The following CCDC73 variants were observed in gnomAD, a reference collection of about 807,000 sequenced individuals.
CCDC73 encodes coiled-coil domain-containing protein 73.
CCDC73 carries 95 observed loss-of-function variants against 116.5 expected under a neutral mutation model. The observed-to-expected ratio is 0.82, with a 90% CI of 0.69 to 0.97. The LOEUF is 0.97. Among genes scored for constraint, CCDC73 ranks in the 50% least tolerant of loss-of-function variants. The pLI is 0.00. For synonymous variants in CCDC73, 398 were observed against 401.3 expected, an observed-to-expected ratio of 0.99 and a Z score of 0.10; for missense variants, 1,066 against 1,206.8, an observed-to-expected ratio of 0.88 and a Z score of 1.73.
intron 17 of CCDC73, among the ~76,000 whole-genome samples, chr11:32,606,874 A>C (rs1193211352): frequency 2.1e-5 from 3 of 143,418 alleles, no homozygotes; most frequent in Non-Finnish European, 4.5e-5. Context: ...GCAGTGGCAC[A>C]ATCGGCTCAC....
chr11:32,673,913 C>T (rs2133285515), intron 9 of CCDC73, among the ~76,000 whole-genome samples: 2 of 152,296 alleles, frequency 1.3e-5, no homozygotes, highest in South Asian at 4.1e-4. Flanking sequence ...GGGAGAGTAT[C>T]ATGTAGATTA....
chr11:32,656,881 T>C (rs918315808), intron 9 of CCDC73, among the ~76,000 whole-genome samples: 8 of 152,238 alleles, frequency 5.3e-5, no homozygotes, highest in Non-Finnish European at 1.2e-4. Context: ...AGTTGATTTA[T>C]TAGAGTGGCA....
Position 32,680,792 on chromosome 11 carries a change from C to T in CCDC73, c.429+2744G>A, listed in dbSNP as rs866466422. 6 of 151,996 alleles carry T rather than the reference C, an allele frequency of 3.9e-5. No homozygotes were observed. The South Asian group carries it at 1.2e-3, about 32-fold the overall frequency. 9.4% of individuals were successfully genotyped at this position (151,996 alleles called of 1,614,324 possible). A position where few individuals can be genotyped will look rare whatever the true frequency, so the allele number is the denominator to read the frequency against. On this transcript the variant is annotated intron_variant, in intron 7 of 17. Transcript: ENST00000335185. ...TAACAATCAAAATATAAATTTAACA[C>T]ACTCATTTACAATTTTGTAACTAAT...
the CCDC73 span, among the ~76,000 whole-genome samples, chr11:32,802,930 T>C: frequency 1.3e-5 from 2 of 151,786 alleles, no homozygotes; most frequent in Non-Finnish European, 2.9e-5. Context: ...TTTTTCTTTT[T>C]TTTTTTTTTC....
chr11:32,605,823 T>C (rs1855342503), intron 17 of CCDC73: 1 of 152,202 alleles, frequency 6.6e-6, no homozygotes, highest in Non-Finnish European at 1.5e-5. Flanking sequence ...TTTTCAGATA[T>C]ATTGCCTTGT....
At chr11:32,745,365 A>C (rs1203985935) in intron 2 of CCDC73, among the ~76,000 whole-genome samples, 1 of 152,206 alleles carries the variant, frequency 6.6e-6, no homozygotes, top group Non-Finnish European at 1.5e-5. Context: ...TGGTGCCAAG[A>C]AGAATGTATA....
At chr11:32,802,209 C>G in the CCDC73 span, among the ~76,000 whole-genome samples, 1 of 152,170 alleles carries the variant, frequency 6.6e-6, no homozygotes, top group Admixed American at 6.5e-5. Flanking sequence ...TTATAGTTCT[C>G]TCGTTCTCTT....
At chr11:32,809,130 G>A in the CCDC73 span, among the ~76,000 whole-genome samples, 1 of 152,168 alleles carries the variant, frequency 6.6e-6, no homozygotes, top group Non-Finnish European at 1.5e-5. Context: ...ACGTTTAAAT[G>A]TAATGCAAAA....
chr11:32,618,592 G>A (rs977535090), intron 14 of CCDC73, among the ~76,000 whole-genome samples: 11 of 151,780 alleles, frequency 7.2e-5, no homozygotes, highest in Admixed American at 1.3e-4. Context: ...TCACTTTATC[G>A]CCCAGGCTGG....
At chr11:32,829,662 C>G in the CCDC73 span, 5 of 720,814 alleles carry the variant, frequency 6.9e-6, no homozygotes, top group African/African-American at 1.9e-5. Flanking sequence ...GACTGAGAAC[C>G]GAAATGCTTC....
chr11:32,641,950 T>A (rs1855736561), intron 13 of CCDC73, 22 bp downstream of exon 13: 1 of 1,380,954 alleles, frequency 7.2e-7, no homozygotes, highest in African/African-American at 1.5e-5. Context: ...TATTTTAATA[T>A]TTTTCTATTT....
rs554579457 is a variant in CCDC73, at chr11:32,780,790, T to A, written c.-16+13823A>T. Among the ~76,000 whole-genome samples the A allele has an allele frequency of 3.3e-5, 5 of 152,348 alleles. No individual in the cohort carries two copies. The East Asian group carries it at 9.6e-4, about 29-fold the overall frequency. On this transcript the variant is annotated intron_variant, in intron 1 of 17. Coordinates refer to ENST00000335185, the MANE Select transcript of CCDC73 (RefSeq NM_001008391.4). ...GATGTTTACTGTTACCATTTTCATTTCTAAATGAGAAAGCTAAGGCATAGA... is the reference window on the plus strand; with the variant it reads ...GATGTTTACTGTTACCATTTTCATTACTAAATGAGAAAGCTAAGGCATAGA...
At chr11:32,723,568 T>C (rs1850007715) in intron 2 of CCDC73, among the ~76,000 whole-genome samples, 1 of 152,176 alleles carries the variant, frequency 6.6e-6, no homozygotes, top group South Asian at 2.1e-4. Context: ...CTGGCGTATG[T>C]ACCTAAATCT....
chr11:32,715,485 A>G (rs1003085927), intron 3 of CCDC73, among the ~76,000 whole-genome samples: 2 of 140,068 alleles, frequency 1.4e-5, no homozygotes, highest in Non-Finnish European at 3.1e-5. Flanking sequence ...CAAAAGGAAA[A>G]ACTGATACAC....
intron 1 of CCDC73, among the ~76,000 whole-genome samples, chr11:32,787,169 A>T (rs138473201): frequency 6.6e-6 from 1 of 152,174 alleles, no homozygotes; most frequent in African/African-American, 2.4e-5. Flanking sequence ...AGTGATGTGT[A>T]TTATCTTATA....
At chr11:32,669,515 T>C (rs1278881076) in intron 9 of CCDC73, among the ~76,000 whole-genome samples, 2 of 152,158 alleles carry the variant, frequency 1.3e-5, no homozygotes, top group Non-Finnish European at 2.9e-5. Flanking sequence ...TCACTGACAA[T>C]AATCACCCTG....
chr11:32,671,398 C>CAA (rs58075036), intron 9 of CCDC73, among the ~76,000 whole-genome samples: 19 of 122,414 alleles, frequency 1.6e-4, no homozygotes, highest in African/African-American at 3.0e-4. Context: ...AACTTTGCTC[C>CAA]AAAAAAAAAA....
the CCDC73 span, among the ~76,000 whole-genome samples, chr11:32,811,082 A>C: frequency 1.4e-5 from 2 of 145,634 alleles, no homozygotes; most frequent in African/African-American, 5.0e-5. Context: ...AACAACAAAA[A>C]AAAAAAACCT....
rs1329177184 is a variant in CCDC73, at chr11:32,614,423, G to T, written c.1895C>A (p.Ser632Tyr). ...SDQTKADLDS[S>Y]LDIKKNPVPC... ...AACAGGATTTTTTTTTATATCTAGA[G>T]ACGAGTCCAAATCTGCTTTGGTTTG... The change falls in exon 16 of 18, where the codon TCT (serine) becomes TAT (tyrosine). Residue 632 changes from serine (S) to tyrosine (Y), a missense_variant. By Grantham distance (144) the Ser-to-Tyr change is moderately radical. Coordinates refer to ENST00000335185, the MANE Select transcript of CCDC73 (RefSeq NM_001008391.4). 3.1e-6 allele frequency: 5 copies of T among 1,613,334 alleles called. No individual in the cohort carries two copies. Among genetic ancestry groups the T allele is most frequent in the Non-Finnish European group, 4.2e-6 (5 of 1,179,688 alleles).
Sources: allele counts gnomAD v4.1 joint callset (sites outside exome capture counted in the v4.1 genomes callset), GRCh38; gene constraint gnomAD v4.1.1; transcripts MANE v1.5; gene names NCBI Gene and HGNC (gene_info 2026-07-23, HGNC 2026-07-21).